CEP85L: variants seen among roughly 807,000 people sequenced by gnomAD.
The protein encoded by CEP85L is centrosomal protein 85L.
CEP85L carries 60 observed loss-of-function variants against 100.3 expected under a neutral mutation model. The observed-to-expected ratio is 0.60, with a 90% confidence interval of 0.49 to 0.74. The LOEUF (loss-of-function observed/expected upper bound fraction) is 0.74. Among genes scored for constraint, CEP85L ranks in the 30% least tolerant of loss-of-function variants. The pLI is 0.00. For missense variants in CEP85L, 973 were observed against 936.2 expected (o/e 1.04, Z -0.51); for synonymous variants, 319 against 322.7 (o/e 0.99, Z 0.12).
intron 5 of CEP85L, among the ~76,000 whole-genome samples, chr6:118,492,818 T>C (rs1325650594): frequency 3.3e-5 from 5 of 152,152 alleles, no homozygotes; most frequent in African/African-American, 1.2e-4. Flanking sequence ...AGTGCTAAGA[T>C]AGTTACATGT....
At chr6:118,565,215 T>C in intron 3 of CEP85L, 1 of 322,066 alleles carries the variant, frequency 3.1e-6, no homozygotes, top group South Asian at 3.8e-5. Context: ...ATTATACCTA[T>C]GCTAGCTTTT....
At chr6:118,514,230 A>T (rs1281902395) in intron 4 of CEP85L, among the ~76,000 whole-genome samples, 2 of 152,180 alleles carry the variant, frequency 1.3e-5, no homozygotes, top group Non-Finnish European at 2.9e-5. Flanking sequence ...GACAATAAGA[A>T]AACAAATAGC....
At chr6:118,665,502 G>T (rs899622838) in intron 1 of CEP85L, among the ~76,000 whole-genome samples, 2 of 151,982 alleles carry the variant, frequency 1.3e-5, no homozygotes, top group Non-Finnish European at 2.9e-5. Flanking sequence ...GGGACTACAG[G>T]TGTGTGCCAC....
At chr6:118,502,420 C>A in intron 5 of CEP85L, 1 of 528,610 alleles carries the variant, frequency 1.9e-6, no homozygotes, top group South Asian at 1.6e-5. Flanking sequence ...GATTCCAGGG[C>A]CCTATAAGAG....
chr6:118,477,608 A>T (rs1189014305), intron 10 of CEP85L, among the ~76,000 whole-genome samples: 1 of 152,120 alleles, frequency 6.6e-6, no homozygotes, highest in Non-Finnish European at 1.5e-5. Flanking sequence ...CTTGTTCCCA[A>T]GGAAATGCAG....
At chr6:118,491,300 C>G (rs1255784012) in intron 6 of CEP85L, 2 of 216,620 alleles carry the variant, frequency 9.2e-6, no homozygotes, top group African/African-American at 4.7e-5. Flanking sequence ...TATTCTGAAT[C>G]AGGGGCTTCA....
At chr6:118,537,614 A>G (rs1327169642) in intron 3 of CEP85L, 2 of 985,240 alleles carry the variant, frequency 2.0e-6, no homozygotes, top group Admixed American at 6.2e-5. Flanking sequence ...CTTAGATGAG[A>G]TCCGGATACT....
At chr6:118,592,519 T>C (rs1048257701) in intron 2 of CEP85L, among the ~76,000 whole-genome samples, 2 of 152,170 alleles carry the variant, frequency 1.3e-5, no homozygotes, top group African/African-American at 4.8e-5. Context: ...CTGGAAGTGA[T>C]GTTATTTGAA....
intron 2 of CEP85L, among the ~76,000 whole-genome samples, chr6:118,631,309 A>AT (rs1221717709): frequency 1.3e-5 from 2 of 152,190 alleles, no homozygotes; most frequent in Admixed American, 6.5e-5. Context: ...AAATGGCTAA[A>AT]TTTTTTTACA....
chr6:118,597,739 G>A (rs1219759144), intron 2 of CEP85L, among the ~76,000 whole-genome samples: 2 of 152,160 alleles, frequency 1.3e-5, no homozygotes, highest in Admixed American at 6.5e-5. Flanking sequence ...TTATGAAAAA[G>A]ATAACGACTA....
intron 1 of CEP85L, among the ~76,000 whole-genome samples, chr6:118,672,656 C>G (rs1054465600): frequency 1.3e-5 from 2 of 152,056 alleles, no homozygotes; most frequent in Admixed American, 1.3e-4. Context: ...ATCTCAGCTA[C>G]TCAGGAAGCT....
intron 5 of CEP85L, chr6:118,501,815 AG>A (rs1775322664): frequency 2.1e-6 from 2 of 957,642 alleles, no homozygotes; most frequent in African/African-American, 1.7e-5. Context: ...TGGCTGAGAG[AG>A]AGAGAGAGAG....
upstream of CEP85L, chr6:118,651,803 C>T (rs950302851): frequency 1.7e-4 from 168 of 977,168 alleles, no homozygotes; most frequent in Non-Finnish European, 1.8e-4. Flanking sequence ...CTGTCTCCAT[C>T]CTCCCGCCCT....
At chr6:118,516,599 T>C (rs1295729902) in intron 4 of CEP85L, among the ~76,000 whole-genome samples, 1 of 152,308 alleles carries the variant, frequency 6.6e-6, no homozygotes, top group Non-Finnish European at 1.5e-5. Flanking sequence ...GATGTGGTTG[T>C]TTTTTTCTTA....
At chr6:118,568,194 T>C (rs1289512606) in intron 2 of CEP85L, among the ~76,000 whole-genome samples, 1 of 152,192 alleles carries the variant, frequency 6.6e-6, no homozygotes, top group Non-Finnish European at 1.5e-5. Flanking sequence ...GGCTGCAGAA[T>C]CAAAATTCCT....
At chr6:118,618,478 T>C (rs541281190) in intron 2 of CEP85L, among the ~76,000 whole-genome samples, 6 of 152,344 alleles carry the variant, frequency 3.9e-5, no homozygotes, top group Admixed American at 6.5e-5. Flanking sequence ...ATGTGGATGG[T>C]AGAGGCCCTA....
intron 1 of CEP85L, among the ~76,000 whole-genome samples, chr6:118,699,955 A>G (rs1777357946): frequency 6.6e-6 from 1 of 152,168 alleles, no homozygotes; most frequent in African/African-American, 2.4e-5. Context: ...TCAGCCTCCC[A>G]AAGTGCTGGG....
At chr6:118,663,748 A>G (rs918833376) in intron 1 of CEP85L, among the ~76,000 whole-genome samples, 1 of 152,196 alleles carries the variant, frequency 6.6e-6, no homozygotes, top group African/African-American at 2.4e-5. Context: ...GAGGATGCTC[A>G]AGTCTCTTAT....
intron 10 of CEP85L, among the ~76,000 whole-genome samples, chr6:118,473,652 G>C (rs1243441711): frequency 2.6e-5 from 4 of 152,156 alleles, no homozygotes. Flanking sequence ...TTAACCTAAT[G>C]AGAGTATACT....
Sources: gnomAD v4.1 joint callset for allele counts (sites outside exome capture counted in the v4.1 genomes callset) on GRCh38, gnomAD v4.1.1 for gene constraint, MANE v1.5 for transcripts, NCBI Gene and HGNC (gene_info 2026-07-23, HGNC 2026-07-21) for gene names.